The following MEGF11 variants were observed in gnomAD, a reference collection of about 807,000 sequenced individuals.
MEGF11 encodes the protein multiple EGF like domains 11.
In MEGF11, 126 loss-of-function variants were observed where a neutral mutation model predicts 146.6. The ratio of observed to expected loss-of-function variants is 0.86; its 90% CI spans 0.74 to 1.00. MEGF11 has a LOEUF of 1.00. MEGF11 is among the 50% of genes least tolerant of loss of function. MEGF11 has a pLI of 0.00. For missense variants in MEGF11, 1,509 were observed against 1,521.2 expected, an observed-to-expected ratio of 0.99 and a Z score of 0.13; for synonymous variants, 532 against 583.4, an observed-to-expected ratio of 0.91 and a Z score of 1.27.
chr15:65,927,417 A>T (rs182125873), intron 13 of MEGF11, among the ~76,000 whole-genome samples: 1 of 152,326 alleles, frequency 6.6e-6, no homozygotes, highest in African/African-American at 2.4e-5. Context: ...ATGGTGAATA[A>T]GGCAGATGCC....
At chr15:66,198,068 A>G (rs868655106) in intron 1 of MEGF11, among the ~76,000 whole-genome samples, 18 of 152,254 alleles carry the variant, frequency 1.2e-4, no homozygotes, top group Admixed American at 2.6e-4. Flanking sequence ...CAATAAATAA[A>G]TACATAAACA....
At chr15:66,168,428 T>TGA (rs2090157792) in intron 1 of MEGF11, among the ~76,000 whole-genome samples, 2 of 152,062 alleles carry the variant, frequency 1.3e-5, no homozygotes, top group African/African-American at 4.8e-5. Flanking sequence ...GTGAGATCAG[T>TGA]GATGATCTGC....
At chr15:65,981,573 C>T (rs2081639602) in intron 6 of MEGF11, among the ~76,000 whole-genome samples, 1 of 152,152 alleles carries the variant, frequency 6.6e-6, no homozygotes. Flanking sequence ...TTGGCCACCC[C>T]TCAGGATCTA....
intron 5 of MEGF11, among the ~76,000 whole-genome samples, chr15:66,066,549 C>G (rs932016453): frequency 1.3e-5 from 2 of 152,236 alleles, no homozygotes; most frequent in African/African-American, 4.8e-5. Flanking sequence ...TGGCTGCCCG[C>G]CCTGGGTCCA....
At chr15:65,937,630 A>G (rs1279250570) in intron 10 of MEGF11, among the ~76,000 whole-genome samples, 1 of 152,216 alleles carries the variant, frequency 6.6e-6, no homozygotes, top group Non-Finnish European at 1.5e-5. Flanking sequence ...AAGGCCAGTC[A>G]TATATTGGAC....
intron 5 of MEGF11, among the ~76,000 whole-genome samples, chr15:66,013,239 G>A (rs1021662606): frequency 1.3e-5 from 2 of 152,196 alleles, no homozygotes; most frequent in African/African-American, 4.8e-5. Context: ...AGTCAGGGAA[G>A]CATGTCAGTA....
intron 1 of MEGF11, among the ~76,000 whole-genome samples, chr15:66,168,391 G>A (rs1476935078): frequency 9.2e-5 from 14 of 152,042 alleles, no homozygotes; most frequent in African/African-American, 3.4e-4. Context: ...CCTCTCCTCT[G>A]CAGAACACCC....
chr15:66,200,846 C>T (rs2091140439), intron 1 of MEGF11, among the ~76,000 whole-genome samples: 1 of 152,076 alleles, frequency 6.6e-6, no homozygotes, highest in African/African-American at 2.4e-5. Context: ...AGGTTCCTTC[C>T]AGCCCTAAAG....
At position 66,165,796 on chromosome 15, in the gene MEGF11, C is replaced by T. The variant is rs2090081848; in HGVS notation, c.-8-37385G>A. ...AGGAAGTGAAGACCAAAGGCAGGGT[C>T]TCCCTCCGTCCCCTGTCCCAGTCCT... On this transcript the variant is annotated intron_variant, in intron 1 of 25. Transcript: ENST00000395614. Among the ~76,000 whole-genome samples the T allele has an allele frequency of 2.0e-5, 3 of 152,212 alleles. No homozygotes were observed. The South Asian group carries it at 6.2e-4, about 32-fold the overall frequency.
intron 7 of MEGF11, among the ~76,000 whole-genome samples, chr15:65,976,234 T>C (rs1567185314): frequency 6.6e-6 from 1 of 152,040 alleles, no homozygotes; most frequent in Non-Finnish European, 1.5e-5. Context: ...AGAGACTGGG[T>C]TTCATCATGT....
chr15:65,982,533 TC>T lies in MEGF11; in HGVS notation c.395-46del. 1 of 1,432,804 alleles carries T rather than the reference TC, an allele frequency of 7.0e-7. No homozygotes were observed. Among genetic ancestry groups the T allele is most frequent in the South Asian group, 1.5e-5 (1 of 66,510 alleles). The allele number at this position is 1,432,804 out of a possible 1,614,324, so 88.8% of individuals were successfully genotyped here. On this transcript the variant is annotated intron_variant, in intron 5 of 25. Coordinates refer to ENST00000395614, the MANE Select transcript of MEGF11 (RefSeq NM_001385028.1). This position sits in a 1 kb window ranked among gnomAD's most constrained non-coding sequence, Gnocchi z 5.6. ...CAGGGATCAGGAGCCCCGAAGGCTCTCCTTGGGGCAGGGGCCAGGAACCGAT... is the reference window on the plus strand; with the variant it reads ...CAGGGATCAGGAGCCCCGAAGGCTCTCTTGGGGCAGGGGCCAGGAACCGAT...
intron 5 of MEGF11, among the ~76,000 whole-genome samples, chr15:66,004,507 GTTATT>G (rs1169838212): frequency 1.1e-4 from 16 of 152,030 alleles, no homozygotes; most frequent in African/African-American, 3.9e-4. Context: ...TGTTTTTCAT[GTTATT>G]TTCTCTATTT....
intron 4 of MEGF11, among the ~76,000 whole-genome samples, chr15:66,102,406 G>C (rs191316525): frequency 4.2e-5 from 6 of 144,350 alleles, no homozygotes; most frequent in Non-Finnish European, 4.6e-5. Context: ...TTTATTTGCT[G>C]TTCTCTCTAA....
rs779269075 is a variant in MEGF11 at position 65,980,908 on chromosome 15, G to C, written c.642-10C>G. ...GCACAGCTCCTCGCAGCTGCATGGA[G>C]AAGCAGAGGTGTTAGACACAGCAGC... On this transcript the variant is annotated splice_polypyrimidine_tract_variant and intron_variant, in intron 6 of 25. Coordinates refer to ENST00000395614, the MANE Select transcript of MEGF11 (RefSeq NM_001385028.1). 1 of 1,567,950 alleles carries C rather than the reference G, an allele frequency of 6.4e-7. No individual in the cohort carries two copies. The highest frequency in any genetic ancestry group is 2.3e-5 in the East Asian group (1 of 43,346).
chr15:66,236,773 C>T (rs2092101965), intron 1 of MEGF11, among the ~76,000 whole-genome samples: 1 of 152,152 alleles, frequency 6.6e-6, no homozygotes, highest in Non-Finnish European at 1.5e-5. Context: ...GCTCAGCATC[C>T]AGCTCCTCTG....
At chr15:66,244,603 G>A (rs1567297107) in intron 1 of MEGF11, among the ~76,000 whole-genome samples, 1 of 152,098 alleles carries the variant, frequency 6.6e-6, no homozygotes, top group African/African-American at 2.4e-5. Context: ...GAAGCCACCC[G>A]ACTCTCCCAG....
chr15:65,972,033 A>AT (rs1352937010), intron 7 of MEGF11, among the ~76,000 whole-genome samples: 1 of 152,230 alleles, frequency 6.6e-6, no homozygotes, highest in Non-Finnish European at 1.5e-5. Context: ...AAAATTAAAA[A>AT]TAAAATGGTG....
intron 7 of MEGF11, among the ~76,000 whole-genome samples, chr15:65,979,532 G>A (rs1364789702): frequency 1.3e-5 from 2 of 152,148 alleles, no homozygotes; most frequent in African/African-American, 2.4e-5. Context: ...GGACTGTGTC[G>A]CTGAGCTTCC....
chr15:66,104,904 C>A (rs35478778), intron 4 of MEGF11, among the ~76,000 whole-genome samples: 57,851 of 151,926 alleles, frequency 0.38, 11,361 homozygotes, highest in South Asian at 0.47. Flanking sequence ...CCTCCTCTTC[C>A]TTGGAGCCAG....
Sources: gnomAD v4.1 joint callset for allele counts (sites outside exome capture counted in the v4.1 genomes callset) on GRCh38, gnomAD v4.1.1 for gene constraint, Gnocchi (gnomAD v3.1) non-coding constraint, MANE v1.5 for transcripts, NCBI Gene and HGNC (gene_info 2026-07-23, HGNC 2026-07-21) for gene names.